The following LDB2 variants were observed in gnomAD, a reference collection of about 807,000 sequenced individuals.
LDB2 encodes LIM domain binding 2.
Under a neutral mutation model 44.3 loss-of-function variants are expected in LDB2, and 12 were observed. The observed-to-expected ratio is 0.27, with a 90% CI of 0.17 to 0.44. LDB2 has a LOEUF of 0.44. Among genes scored for constraint, LDB2 ranks in the 20% least tolerant of loss-of-function variants. LDB2 has a pLI of 1.00. For synonymous variants in LDB2, 164 were observed against 174.8 expected, an observed-to-expected ratio of 0.94 and a Z score of 0.49; for missense variants, 344 against 473.5, an observed-to-expected ratio of 0.73 and a Z score of 2.54.
intron 5 of LDB2, among the ~76,000 whole-genome samples, chr4:16,550,287 A>C (rs143429413): frequency 6.6e-6 from 1 of 152,112 alleles, no homozygotes; most frequent in Non-Finnish European, 1.5e-5. Context: ...TTCCTTCCCT[A>C]TACCCAATAA....
At chr4:16,873,020 T>C (rs1717175538) in intron 1 of LDB2, among the ~76,000 whole-genome samples, 1 of 152,096 alleles carries the variant, frequency 6.6e-6, no homozygotes, top group Non-Finnish European at 1.5e-5. Flanking sequence ...ATGCTCACCA[T>C]CTAATGGGGG....
intron 2 of LDB2, among the ~76,000 whole-genome samples, chr4:16,622,044 A>T (rs1729025906): frequency 6.6e-6 from 1 of 152,264 alleles, no homozygotes; most frequent in Non-Finnish European, 1.5e-5. Flanking sequence ...ATAAAAGCAG[A>T]TGTCTGCTAA....
chr4:16,553,217 A>G (rs940322037), intron 5 of LDB2, among the ~76,000 whole-genome samples: 2 of 152,160 alleles, frequency 1.3e-5, no homozygotes, highest in African/African-American at 4.8e-5. Context: ...TGCAGTAGCA[A>G]TCATAGCTCA....
intron 3 of LDB2, among the ~76,000 whole-genome samples, chr4:16,589,844 C>T (rs1363126889): frequency 6.6e-6 from 1 of 152,136 alleles, no homozygotes; most frequent in Non-Finnish European, 1.5e-5. Flanking sequence ...AATCCCAATT[C>T]TACTTTTTAC....
intron 2 of LDB2, among the ~76,000 whole-genome samples, chr4:16,640,254 A>G (rs2152508183): frequency 6.6e-6 from 1 of 152,344 alleles, no homozygotes; most frequent in East Asian, 1.9e-4. Flanking sequence ...ATATTTGAAG[A>G]TTGAACAAAC....
At chr4:16,864,209 C>T (rs1004108969) in intron 1 of LDB2, among the ~76,000 whole-genome samples, 9 of 152,086 alleles carry the variant, frequency 5.9e-5, no homozygotes, top group Admixed American at 5.2e-4. Context: ...GCTAGTCTAA[C>T]CTGGCAAATA....
At chr4:16,611,887 C>G (rs1332305877) in intron 2 of LDB2, among the ~76,000 whole-genome samples, 1 of 152,186 alleles carries the variant, frequency 6.6e-6, no homozygotes, top group Non-Finnish European at 1.5e-5. Context: ...ACAGAACTCT[C>G]TACCCTAAAT....
intron 2 of LDB2, among the ~76,000 whole-genome samples, chr4:16,758,691 C>A (rs77720713): frequency 0.016 from 2,488 of 152,110 alleles, 42 homozygotes; most frequent in East Asian, 0.078. Flanking sequence ...CTCCCCACAC[C>A]CCAAAAAAAG....
intron 2 of LDB2, among the ~76,000 whole-genome samples, chr4:16,660,662 T>C (rs1302448501): frequency 6.6e-6 from 1 of 152,230 alleles, no homozygotes; most frequent in Non-Finnish European, 1.5e-5. Flanking sequence ...ACTGCATTAA[T>C]TTCTACTTTT....
intron 2 of LDB2, among the ~76,000 whole-genome samples, chr4:16,688,839 AATATGT>A (rs1299386170): frequency 1.3e-5 from 2 of 152,224 alleles, no homozygotes; most frequent in African/African-American, 4.8e-5. Flanking sequence ...CATCTCTCCT[AATATGT>A]ATGTTATTTT....
In LDB2 at chr4:16,615,069, C is replaced by CAAAA. The variant is rs71649971; in HGVS notation, c.236-19198_236-19195dup. On this transcript the variant is annotated intron_variant, in intron 2 of 7. Coordinates refer to ENST00000304523, the MANE Select transcript of LDB2 (RefSeq NM_001290.5). ...TGGGCGACAGAGCGAGACTCCGTCT[C>CAAAA]AAAAAAAAAAAAAAAAAAAAAAAGT... Among the ~76,000 whole-genome samples, 15 of 47,302 alleles carry CAAAA rather than the reference C, an allele frequency of 3.2e-4. 1 individual carries two copies. The highest frequency in any genetic ancestry group is 8.7e-4 in the South Asian group (1 of 1,150). 31.0% of individuals were successfully genotyped at this position (47,302 alleles called of 152,430 possible). A position where few individuals can be genotyped will look rare whatever the true frequency, so the allele number is the denominator to read the frequency against.
chr4:16,881,557 C>T (rs1287576171), intron 1 of LDB2, among the ~76,000 whole-genome samples: 4 of 149,728 alleles, frequency 2.7e-5, no homozygotes, highest in South Asian at 2.1e-4. Context: ...TTGCTTTCTT[C>T]CTAAAGTTCT....
chr4:16,792,845 A>C (rs563247376), intron 1 of LDB2, among the ~76,000 whole-genome samples: 1 of 152,322 alleles, frequency 6.6e-6, no homozygotes, highest in Non-Finnish European at 1.5e-5. Flanking sequence ...ACATTTTATA[A>C]AGGCACTTTT....
intron 7 of LDB2, chr4:16,507,295 C>A (rs1719866151): frequency 6.6e-6 from 1 of 152,134 alleles, no homozygotes; most frequent in South Asian, 2.1e-4. Flanking sequence ...AAAGTATACC[C>A]CCTGTCTGTG....
intron 1 of LDB2, among the ~76,000 whole-genome samples, chr4:16,815,445 T>C (rs1269474439): frequency 2.6e-5 from 4 of 152,248 alleles, no homozygotes; most frequent in Non-Finnish European, 5.9e-5. Flanking sequence ...CTGTTGAAGC[T>C]AGAGTAAATC....
intron 1 of LDB2, among the ~76,000 whole-genome samples, chr4:16,818,377 G>T (rs186785447): frequency 6.6e-6 from 1 of 152,162 alleles, no homozygotes. Flanking sequence ...CAAAGAGAGG[G>T]GAAATGGACC....
At chr4:16,530,215 C>A (rs2152299938) in intron 5 of LDB2, among the ~76,000 whole-genome samples, 1 of 152,330 alleles carries the variant, frequency 6.6e-6, no homozygotes, top group East Asian at 1.9e-4. Context: ...TCTGCCTGAC[C>A]TCGCACTGCT....
chr4:16,753,346 T>C (rs1765848168), intron 2 of LDB2, among the ~76,000 whole-genome samples: 4 of 152,238 alleles, frequency 2.6e-5, no homozygotes, highest in African/African-American at 7.2e-5. Context: ...TTGGGCCCCT[T>C]GCAGAATTTC....
chr4:16,550,027 G>A (rs1322814975), intron 5 of LDB2, among the ~76,000 whole-genome samples: 1 of 152,164 alleles, frequency 6.6e-6, no homozygotes, highest in Non-Finnish European at 1.5e-5. Flanking sequence ...GGTACCAATT[G>A]AGTCTTCAGG....
Sources: allele counts gnomAD v4.1 joint callset (sites outside exome capture counted in the v4.1 genomes callset), GRCh38; gene constraint gnomAD v4.1.1; transcripts MANE v1.5; gene names NCBI Gene and HGNC (gene_info 2026-07-23, HGNC 2026-07-21).